PRKAR2B: variants seen among roughly 807,000 people sequenced by gnomAD.
The protein encoded by PRKAR2B is protein kinase cAMP-dependent type II regulatory subunit beta, also known as cAMP-dependent protein kinase type II-beta regulatory subunit.
Under a neutral mutation model 49.9 loss-of-function variants are expected in PRKAR2B, and 14 were observed. That is an observed-to-expected ratio of 0.28 (90% CI 0.19 to 0.44). The LOEUF (loss-of-function observed/expected upper bound fraction) is 0.44. Ranked by LOEUF, PRKAR2B falls within the 20% of genes least tolerant of loss-of-function variation. The pLI is 1.00. For missense variants in PRKAR2B, 393 were observed against 537.9 expected (o/e 0.73, Z 2.67); for synonymous variants, 196 against 197.7 (o/e 0.99, Z 0.07).
At chr7:107,158,735 T>C (rs1796144022) in intron 10 of PRKAR2B, among the ~76,000 whole-genome samples, 1 of 152,198 alleles carries the variant, frequency 6.6e-6, no homozygotes, top group African/African-American at 2.4e-5. Context: ...TGTACACTAC[T>C]AGCAGTGCCA....
chr7:107,159,372 T>C (rs1384539713), intron 10 of PRKAR2B, 77 bp from the exon 11 acceptor site: 1 of 1,376,860 alleles, frequency 7.3e-7, no homozygotes, highest in East Asian at 2.3e-5. Context: ...ATATATGGAG[T>C]CGGTATTGTA....
chr7:107,082,370 G>A (rs947351482), intron 2 of PRKAR2B, among the ~76,000 whole-genome samples: 1 of 151,946 alleles, frequency 6.6e-6, no homozygotes, highest in Non-Finnish European at 1.5e-5. Context: ...AGAAACATTT[G>A]TTTTAATTGC....
At chr7:107,055,596 C>G (rs1793896949) in intron 1 of PRKAR2B, among the ~76,000 whole-genome samples, 2 of 152,174 alleles carry the variant, frequency 1.3e-5, no homozygotes, top group Non-Finnish European at 2.9e-5. Flanking sequence ...TGTCTTTTGG[C>G]TGCATAAATG....
At chr7:107,068,194 C>T (rs1420935654) in intron 1 of PRKAR2B, among the ~76,000 whole-genome samples, 1 of 152,112 alleles carries the variant, frequency 6.6e-6, no homozygotes, top group Non-Finnish European at 1.5e-5. Context: ...ACCTAAGGAC[C>T]CCAGGAAAAC....
At chr7:107,125,408 A>C (rs1795464685) in intron 3 of PRKAR2B, among the ~76,000 whole-genome samples, 1 of 152,236 alleles carries the variant, frequency 6.6e-6, no homozygotes, top group Non-Finnish European at 1.5e-5. Flanking sequence ...AACAAATAAA[A>C]TTTTTATCTG....
intron 2 of PRKAR2B, among the ~76,000 whole-genome samples, chr7:107,105,341 G>C (rs765247933): frequency 1.3e-5 from 2 of 152,192 alleles, no homozygotes; most frequent in Non-Finnish European, 2.9e-5. Flanking sequence ...ACTGTGGCCT[G>C]TAAGTGGGAA....
At chr7:107,102,470 G>A (rs944320916) in intron 2 of PRKAR2B, among the ~76,000 whole-genome samples, 1 of 152,196 alleles carries the variant, frequency 6.6e-6, no homozygotes, top group African/African-American at 2.4e-5. Flanking sequence ...CTATGGAGCA[G>A]CCATTTGGCT....
At chr7:107,136,852 T>C (rs749484955) in intron 4 of PRKAR2B, among the ~76,000 whole-genome samples, 15 of 152,226 alleles carry the variant, frequency 9.9e-5, no homozygotes, top group Non-Finnish European at 1.8e-4. Context: ...CACAGAAACC[T>C]GTACACAGGT....
chr7:107,057,071 C>A (rs1300809256), intron 1 of PRKAR2B, among the ~76,000 whole-genome samples: 1 of 152,154 alleles, frequency 6.6e-6, no homozygotes, highest in Admixed American at 6.6e-5. Flanking sequence ...TTGTCCATTT[C>A]CATCTTTTTG....
chr7:107,076,287 C>T (rs1187064563), intron 2 of PRKAR2B, among the ~76,000 whole-genome samples: 1 of 152,080 alleles, frequency 6.6e-6, no homozygotes, highest in African/African-American at 2.4e-5. Flanking sequence ...TTATCTCATA[C>T]AGAGTTTAGA....
chr7:107,115,762 T>C (rs1795261943), intron 2 of PRKAR2B, among the ~76,000 whole-genome samples: 1 of 152,214 alleles, frequency 6.6e-6, no homozygotes, highest in Admixed American at 6.5e-5. Context: ...ATTCTGGTTT[T>C]CTTGCCTTCT....
chr7:107,066,526 T>G (rs1794149972), intron 1 of PRKAR2B: 1 of 152,298 alleles, frequency 6.6e-6, no homozygotes, highest in East Asian at 1.9e-4. Flanking sequence ...GTCTCTTACA[T>G]TTGAATAGGA....
chr7:107,117,792 A>G (rs1303355299), intron 2 of PRKAR2B, among the ~76,000 whole-genome samples: 1 of 152,220 alleles, frequency 6.6e-6, no homozygotes, highest in African/African-American at 2.4e-5. Flanking sequence ...ATGCGAAGTC[A>G]GTATAGTTGG....
At chr7:107,136,653 C>T (rs1002079230) in intron 4 of PRKAR2B, among the ~76,000 whole-genome samples, 1 of 152,192 alleles carries the variant, frequency 6.6e-6, no homozygotes, top group African/African-American at 2.4e-5. Flanking sequence ...GAAACACTGA[C>T]AACACCAAAT....
In PRKAR2B at chr7:107,113,658, G is replaced by A. The variant is rs533805324; in HGVS notation, c.344-8294G>A. Among the ~76,000 whole-genome samples, 24 of 152,098 alleles carry A rather than the reference G, an allele frequency of 1.6e-4. No individual in the cohort carries two copies. In the South Asian group the frequency reaches 3.9e-3, roughly 25 times the overall value. ...TATTATCCTCCGAATTATTCTTCTC[G>A]CTCTTTTTATTATATCTGTTTATCT... On this transcript the variant is annotated intron_variant, in intron 2 of 10. Transcript: ENST00000265717.
At chr7:107,063,881 GTTC>G (rs1185970296) in intron 1 of PRKAR2B, among the ~76,000 whole-genome samples, 4 of 152,142 alleles carry the variant, frequency 2.6e-5, no homozygotes, top group Non-Finnish European at 5.9e-5. Context: ...CTTTTCCGGT[GTTC>G]TTAGCCTAGT....
At chr7:107,137,212 C>G (rs1293964952) in intron 4 of PRKAR2B, among the ~76,000 whole-genome samples, 1 of 152,190 alleles carries the variant, frequency 6.6e-6, no homozygotes, top group Non-Finnish European at 1.5e-5. Context: ...CAGTTATGGC[C>G]TCTAGAACTA....
rs1215739586 is a variant in PRKAR2B, at chr7:107,045,125, G to T, written c.218G>T (p.Gly73Val). 1 of 1,523,076 alleles carries T rather than the reference G, an allele frequency of 6.6e-7. No individual in the cohort carries two copies. Among genetic ancestry groups the T allele is most frequent in the African/African-American group, 1.4e-5 (1 of 72,354 alleles). 94.3% of individuals were successfully genotyped at this position (1,523,076 alleles called of 1,614,324 possible). A position where few individuals can be genotyped will look rare whatever the true frequency, so the allele number is the denominator to read the frequency against. ...AAAGGGTPSK[G>V]VNFAEEPMQS... is the part of the protein sequence containing the mutation. ...GCCGGGGGCGGCACCCCCAGCAAGGGGGTCAACTTCGCCGAGGAGCCCATG... is the reference window on the plus strand; with the variant it reads ...GCCGGGGGCGGCACCCCCAGCAAGGTGGTCAACTTCGCCGAGGAGCCCATG... The change falls in exon 1 of 11, where the codon GGG becomes GTG. Residue 73 changes from glycine (G) to valine (V), a missense_variant. Gly to Val is a moderately radical substitution (Grantham distance 109, BLOSUM62 -3). This residue lies in a region of PRKAR2B where 160 missense variants were observed against 147.6 expected (regional missense o/e 1.08). Transcript: ENST00000265717.
intron 1 of PRKAR2B, among the ~76,000 whole-genome samples, chr7:107,065,313 G>GGTGTGTGTGTGTGTGTGT (rs1353262616): frequency 1.3e-4 from 17 of 130,398 alleles, no homozygotes; most frequent in African/African-American, 3.8e-4. Flanking sequence ...GTTTGCTCGG[G>GGTGTGTGTGTGTGTGTGT]GTGTGTGTAT....
Sources: gnomAD v4.1 joint callset for allele counts (sites outside exome capture counted in the v4.1 genomes callset) on GRCh38, gnomAD v4.1.1 for gene constraint, gnomAD v4.1.1 regional missense constraint, MANE v1.5 for transcripts, NCBI Gene and HGNC (gene_info 2026-07-23, HGNC 2026-07-21) for gene names.